The following AFDN variants were observed in gnomAD, a reference collection of about 807,000 sequenced individuals.
AFDN encodes the protein afadin, adherens junction formation factor, also known as afadin.
A neutral mutation model predicts 216.6 loss-of-function variants in AFDN; 68 were observed. The ratio of observed to expected loss-of-function variants is 0.31; its 90% CI spans 0.26 to 0.38. The LOEUF (loss-of-function observed/expected upper bound fraction) is 0.38. Among genes scored for constraint, AFDN ranks in the 10% least tolerant of loss-of-function variants. AFDN has a pLI of 1.00. For missense variants in AFDN, 2,136 were observed against 2,342.0 expected (o/e 0.91, Z 1.82); for synonymous variants, 868 against 853.7 (o/e 1.02, Z -0.29).
intron 1 of AFDN, among the ~76,000 whole-genome samples, chr6:167,856,512 C>T (rs1052169907): frequency 2.0e-5 from 3 of 152,050 alleles, no homozygotes; most frequent in Non-Finnish European, 4.4e-5. Flanking sequence ...GTAGTTAAGT[C>T]TTGGCCTACT....
At chr6:167,861,206 A>G (rs1783528031) in intron 1 of AFDN, among the ~76,000 whole-genome samples, 1 of 152,214 alleles carries the variant, frequency 6.6e-6, no homozygotes, top group Non-Finnish European at 1.5e-5. Context: ...ACAGCCAAAC[A>G]TGATTGGCAA....
chr6:167,848,874 T>G (rs1781985506), intron 1 of AFDN, among the ~76,000 whole-genome samples: 1 of 152,262 alleles, frequency 6.6e-6, no homozygotes, highest in African/African-American at 2.4e-5. Flanking sequence ...GAATGTTCAT[T>G]TTGTATTATT....
chr6:167,869,714 C>G (rs185865191), intron 2 of AFDN, among the ~76,000 whole-genome samples: 1 of 152,326 alleles, frequency 6.6e-6, no homozygotes, highest in African/African-American at 2.4e-5. Flanking sequence ...GTGAGGCTCT[C>G]ACGGAGACCC....
At chr6:167,887,238 C>A (rs939690471) in intron 6 of AFDN, among the ~76,000 whole-genome samples, 2 of 151,862 alleles carry the variant, frequency 1.3e-5, no homozygotes, top group African/African-American at 4.8e-5. Flanking sequence ...GCACCTTAAT[C>A]GGGGTTTTAA....
chr6:167,934,288 T>C (rs1793705174), intron 23 of AFDN, among the ~76,000 whole-genome samples: 1 of 152,156 alleles, frequency 6.6e-6, no homozygotes, highest in African/African-American at 2.4e-5. Flanking sequence ...CTCATAGATA[T>C]CAAGCTCAGT....
At chr6:167,849,827 T>G (rs1011519849) in intron 1 of AFDN, among the ~76,000 whole-genome samples, 1 of 152,234 alleles carries the variant, frequency 6.6e-6, no homozygotes, top group Non-Finnish European at 1.5e-5. Flanking sequence ...TTAAGAAAAC[T>G]TAATTGAACA....
chr6:167,827,400 C>T (rs1779251734), intron 1 of AFDN, among the ~76,000 whole-genome samples, 163 bp downstream of exon 1: 1 of 143,998 alleles, frequency 6.9e-6, no homozygotes, highest in African/African-American at 2.5e-5. Context: ...CCGCGGGCCC[C>T]GGCGTCCCCC....
At chr6:167,857,332 A>G (rs1021944542) in intron 1 of AFDN, among the ~76,000 whole-genome samples, 5 of 152,210 alleles carry the variant, frequency 3.3e-5, no homozygotes, top group South Asian at 2.1e-4. Context: ...AAGGACTTCA[A>G]TAATGTTTTT....
intron 22 of AFDN, among the ~76,000 whole-genome samples, chr6:167,924,549 C>T (rs904779514): frequency 1.3e-5 from 2 of 152,188 alleles, no homozygotes; most frequent in African/African-American, 4.8e-5. Flanking sequence ...GAGACAAAGA[C>T]GTTAGGTCAT....
intron 5 of AFDN, among the ~76,000 whole-genome samples, chr6:167,877,958 A>C (rs1230665862): frequency 6.6e-6 from 1 of 152,014 alleles, no homozygotes; most frequent in Non-Finnish European, 1.5e-5. Flanking sequence ...TGTTTTTGAC[A>C]CTCAGTTATA....
At chr6:167,893,929 T>G (rs753934230) in intron 9 of AFDN, 23 bp downstream of exon 9, 13 of 1,533,956 alleles carry the variant, frequency 8.5e-6, no homozygotes, top group Non-Finnish European at 1.2e-5. Context: ...TTACTACTAC[T>G]TTTATAACTA....
chr6:167,943,929 T>A lies in AFDN; in HGVS notation c.3240-12T>A, dbSNP rs774205312. On this transcript the variant is annotated splice_polypyrimidine_tract_variant and intron_variant, in intron 25 of 33. Transcript: ENST00000683244. ...TTTAGTCTTTCTTACATGTGTAATC[T>A]TCTTCTCCTAGGGCGGCAGAACTCA... 4.3e-6 allele frequency: 7 copies of A among 1,612,060 alleles called. No homozygotes were observed. In the Middle Eastern group the frequency reaches 5.0e-4, roughly 114 times the overall value.
At chr6:167,875,581 T>C in intron 5 of AFDN, 86 bp downstream of exon 5, 2 of 1,360,216 alleles carry the variant, frequency 1.5e-6, no homozygotes, top group Non-Finnish European at 2.0e-6. Flanking sequence ...TTGCTTTAAC[T>C]AAAGCAATGG....
rs1211846069 is a variant in AFDN, at chr6:167,963,351, G to A, written c.4968+784G>A. The A allele has an allele frequency of 6.6e-6, 7 of 1,059,804 alleles. No individual in the cohort carries two copies. The East Asian group carries it at 2.1e-4, about 31-fold the overall frequency. 65.7% of individuals were successfully genotyped at this position (1,059,804 alleles called of 1,614,324 possible). ...TGCTCTGTGTGGTTTGAGAGAAGCTGCTCTTCTCTGTTACTTCCCTTCTAT... is the reference window on the plus strand; with the variant it reads ...TGCTCTGTGTGGTTTGAGAGAAGCTACTCTTCTCTGTTACTTCCCTTCTAT... On this transcript the variant is annotated intron_variant, in intron 31 of 33. Transcript: ENST00000683244.
intron 1 of AFDN, among the ~76,000 whole-genome samples, chr6:167,863,213 C>T (rs1483701821): frequency 6.6e-6 from 1 of 152,200 alleles, no homozygotes; most frequent in Non-Finnish European, 1.5e-5. Flanking sequence ...TCAGATCAGA[C>T]ATGCTGAAGT....
At chr6:167,915,020 T>C in intron 18 of AFDN, 148 bp from the exon 19 acceptor site, 1 of 813,340 alleles carries the variant, frequency 1.2e-6, no homozygotes, top group Admixed American at 2.6e-5. Context: ...ATCATGTCAC[T>C]GTTTCCTCTT....
intron 1 of AFDN, among the ~76,000 whole-genome samples, chr6:167,862,624 C>T (rs1481559489): frequency 6.6e-6 from 1 of 152,236 alleles, no homozygotes; most frequent in East Asian, 1.9e-4. Flanking sequence ...ATCCGCCCAC[C>T]TCGGCCTCCC....
rs773301542 is a variant in AFDN at position 167,915,322 on chromosome 6, C to T, written c.2454C>T (p.Cys818=). The T allele has an allele frequency of 8.7e-6, 14 of 1,614,128 alleles. No individual in the cohort carries two copies. The African/African-American group carries it at 1.6e-4, about 18-fold the overall frequency. The change falls in exon 19 of 34, where the codon TGC becomes TGT. Residue 818 remains cysteine (C), a synonymous_variant. Coordinates refer to ENST00000683244, the MANE Select transcript of AFDN (RefSeq NM_001386888.1). The stretch of plus-strand genomic sequence containing the variant: ...TGACCGACCCAGATTCGGGGCTGTG[C>T]TCCCATTACTGGGGTGCGATTATCC... The part of the protein sequence containing the change: ...RLVTDPDSGL[C]SHYWGAIIRQ...
In AFDN at chr6:167,954,106, C is replaced by T. The variant is rs145346868; in HGVS notation, c.4833+1919C>T. ...TTTCAAAGCCTTTTAGTATGAATTG[C>T]GATATTTGGAAAGTTTCTTATGAAA... On this transcript the variant is annotated intron_variant, in intron 30 of 33. Coordinates refer to ENST00000683244, the MANE Select transcript of AFDN (RefSeq NM_001386888.1). Among the ~76,000 whole-genome samples the T allele has an allele frequency of 5.0e-3, 765 of 152,130 alleles. 2 individuals carry two copies. Among genetic ancestry groups the T allele is most frequent in the Non-Finnish European group, 7.5e-3 (512 of 68,012 alleles).
Sources: allele counts gnomAD v4.1 joint callset (sites outside exome capture counted in the v4.1 genomes callset), GRCh38; gene constraint gnomAD v4.1.1; transcripts MANE v1.5; gene names NCBI Gene and HGNC (gene_info 2026-07-23, HGNC 2026-07-21).